The following TBC1D32 variants were observed in gnomAD, a reference collection of about 807,000 sequenced individuals.
TBC1D32 encodes the protein TBC1 domain family member 32.
Under a neutral mutation model 170.3 loss-of-function variants are expected in TBC1D32, and 151 were observed. That is an observed-to-expected ratio of 0.89 (90% CI 0.78 to 1.01). TBC1D32 has a LOEUF of 1.01. TBC1D32 is among the 50% of genes least tolerant of loss of function. TBC1D32 has a pLI of 0.00. For synonymous variants in TBC1D32, 498 were observed against 488.0 expected, an observed-to-expected ratio of 1.02 and a Z score of -0.27; for missense variants, 1,464 against 1,457.1, an observed-to-expected ratio of 1.00 and a Z score of -0.08.
chr6:121,207,546 G>GA (rs1792435822), intron 21 of TBC1D32, among the ~76,000 whole-genome samples: 1 of 152,006 alleles, frequency 6.6e-6, no homozygotes, highest in South Asian at 2.1e-4. Context: ...ACCACTTAGT[G>GA]AAAAAAACAA....
At chr6:121,220,499 A>G (rs1318953224) in intron 21 of TBC1D32, among the ~76,000 whole-genome samples, 1 of 152,156 alleles carries the variant, frequency 6.6e-6, no homozygotes, top group East Asian at 1.9e-4. Context: ...AGGTTGGTTC[A>G]TGGGATTCAA....
At chr6:121,101,140 C>G (rs137924823) in intron 30 of TBC1D32, among the ~76,000 whole-genome samples, 3,763 of 152,116 alleles carry the variant, frequency 0.025, 168 homozygotes, top group East Asian at 0.13. Flanking sequence ...GGATTCACAG[C>G]CGAATTCTAC....
intron 9 of TBC1D32, among the ~76,000 whole-genome samples, chr6:121,300,214 C>T (rs1364151509): frequency 2.6e-5 from 4 of 151,942 alleles, no homozygotes; most frequent in African/African-American, 7.3e-5. Context: ...GAGGATGAGG[C>T]GGGCAAATCA....
rs137937066 is a variant in TBC1D32, at chr6:121,254,228, G to A, written c.2018+1100C>T. 5.8e-4 allele frequency among the ~76,000 whole-genome samples: 88 copies of A among 152,158 alleles called. 1 individual carries two copies. Among genetic ancestry groups the A allele is most frequent in the African/African-American group, 1.4e-3 (59 of 41,488 alleles). The stretch of plus-strand genomic sequence containing the variant: ...ATAAGCATGATATAATGGACTCTGC[G>A]GGTACAGAAGGAAAATTTGGAAGGA... On this transcript the variant is annotated intron_variant, in intron 17 of 31. Coordinates refer to ENST00000398212, the MANE Select transcript of TBC1D32 (RefSeq NM_152730.6).
In TBC1D32 at chr6:121,108,916, C is replaced by T. The variant is rs542595453; in HGVS notation, c.3325-2753G>A. Among the ~76,000 whole-genome samples, 5 of 152,198 alleles carry T rather than the reference C, an allele frequency of 3.3e-5. No individual in the cohort carries two copies. The East Asian group carries it at 5.8e-4, about 18-fold the overall frequency. On this transcript the variant is annotated intron_variant, in intron 29 of 31. Transcript: ENST00000398212. ...ACAGCAATGTTGTAGTTAACTTGTG[C>T]ATCATGCATAGAGGTAAACAAAAAA...
At chr6:121,290,710 T>C (rs957260302) in intron 12 of TBC1D32, among the ~76,000 whole-genome samples, 2 of 151,932 alleles carry the variant, frequency 1.3e-5, no homozygotes, top group African/African-American at 2.4e-5. Context: ...CATATGTTTA[T>C]TGCGGCACTA....
At chr6:121,197,581 A>C (rs1368583184) in intron 22 of TBC1D32, among the ~76,000 whole-genome samples, 1 of 152,152 alleles carries the variant, frequency 6.6e-6, no homozygotes, top group Admixed American at 6.5e-5. Context: ...TATTGACTTC[A>C]TATCAGCATT....
At chr6:121,205,914 T>C (rs1367129387) in intron 21 of TBC1D32, among the ~76,000 whole-genome samples, 1 of 152,066 alleles carries the variant, frequency 6.6e-6, no homozygotes, top group East Asian at 1.9e-4. Flanking sequence ...TTGAACATGT[T>C]TTAAAAGGCT....
chr6:121,137,517 T>C (rs1474107614), intron 24 of TBC1D32, among the ~76,000 whole-genome samples: 1 of 151,264 alleles, frequency 6.6e-6, no homozygotes, highest in Non-Finnish European at 1.5e-5. Flanking sequence ...TCTCTGTCCT[T>C]ACCACCACTG....
intron 24 of TBC1D32, among the ~76,000 whole-genome samples, chr6:121,152,981 A>G (rs1175192227): frequency 6.6e-6 from 1 of 152,064 alleles, no homozygotes; most frequent in African/African-American, 2.4e-5. Flanking sequence ...GTTATTACCC[A>G]CCTTCTAAAG....
intron 20 of TBC1D32, among the ~76,000 whole-genome samples, chr6:121,224,637 T>C (rs941969923): frequency 1.3e-5 from 2 of 152,120 alleles, no homozygotes; most frequent in Non-Finnish European, 1.5e-5. Flanking sequence ...GAAATTATAA[T>C]ATAATCTTCA....
chr6:121,265,657 T>A (rs1045799525), intron 15 of TBC1D32, among the ~76,000 whole-genome samples: 2 of 151,846 alleles, frequency 1.3e-5, no homozygotes, highest in East Asian at 3.9e-4. Context: ...GGAGGCATCA[T>A]GCTACGTGAC....
chr6:121,304,810 T>C lies in TBC1D32; in HGVS notation c.714A>G (p.Ala238=). ...VFSDRILKFC[A]QTFLLSPLHM... ...GTAATGGAGAAAGCAAAAATGTCTGTGCACAGAATTTTAAAATCCGGTCCT... is the reference window on the plus strand; with the variant it reads ...GTAATGGAGAAAGCAAAAATGTCTGCGCACAGAATTTTAAAATCCGGTCCT... The change falls in exon 6 of 32, where the codon GCA becomes GCG. Residue 238 remains alanine, a synonymous_variant. Coordinates refer to ENST00000398212, the MANE Select transcript of TBC1D32 (RefSeq NM_152730.6). 1 of 1,610,252 alleles carries C rather than the reference T, an allele frequency of 6.2e-7. No individual in the cohort carries two copies. Among genetic ancestry groups the C allele is most frequent in the South Asian group, 1.1e-5 (1 of 90,138 alleles).
At chr6:121,230,241 T>G (rs1342393242) in intron 20 of TBC1D32, among the ~76,000 whole-genome samples, 1 of 152,114 alleles carries the variant, frequency 6.6e-6, no homozygotes, top group African/African-American at 2.4e-5. Context: ...AAAATACTAT[T>G]TAATAGTTTT....
chr6:121,310,983 A>C (rs779498794), intron 3 of TBC1D32, 136 bp from the exon 4 acceptor site: 3 of 623,252 alleles, frequency 4.8e-6, no homozygotes, highest in Non-Finnish European at 8.4e-6. Context: ...TTGATTTGGC[A>C]GCAACTTAGA....
At chr6:121,154,224 G>T (rs1784576273) in intron 24 of TBC1D32, among the ~76,000 whole-genome samples, 1 of 152,018 alleles carries the variant, frequency 6.6e-6, no homozygotes, top group Admixed American at 6.6e-5. Flanking sequence ...AGTCTCTAAT[G>T]GCCTCCCTTG....
At chr6:121,195,975 G>A (rs1165960952) in intron 22 of TBC1D32, among the ~76,000 whole-genome samples, 1 of 152,174 alleles carries the variant, frequency 6.6e-6, no homozygotes, top group African/African-American at 2.4e-5. Flanking sequence ...GGATGGTAAG[G>A]GACTTGGAAG....
At chr6:121,236,915 C>G (rs190335471) in intron 20 of TBC1D32, 1 of 152,066 alleles carries the variant, frequency 6.6e-6, no homozygotes, top group Admixed American at 6.5e-5. Context: ...AAAAACCAAT[C>G]ATATGTATTT....
At chr6:121,158,180 T>A (rs1310930080) in intron 24 of TBC1D32, among the ~76,000 whole-genome samples, 5 of 152,166 alleles carry the variant, frequency 3.3e-5, no homozygotes, top group Non-Finnish European at 7.4e-5. Context: ...TTCTTGGAAG[T>A]TTTGTCACTT....
Sources: gnomAD v4.1 joint callset for allele counts (sites outside exome capture counted in the v4.1 genomes callset) on GRCh38, gnomAD v4.1.1 for gene constraint, MANE v1.5 for transcripts, NCBI Gene and HGNC (gene_info 2026-07-23, HGNC 2026-07-21) for gene names.